RGS17: variants seen among roughly 807,000 people sequenced by gnomAD.
The protein encoded by RGS17 is regulator of G-protein signaling 17.
RGS17 carries 12 observed loss-of-function variants against 25.5 expected under a neutral mutation model. That is an observed-to-expected ratio of 0.47 (90% CI 0.30 to 0.76). The LOEUF (loss-of-function observed/expected upper bound fraction) is 0.76, where lower values mean the gene tolerates loss of function less well. Ranked by LOEUF, RGS17 falls within the 30% of genes least tolerant of loss-of-function variation. The pLI is 0.07. For missense variants in RGS17, 196 were observed against 242.2 expected (o/e 0.81, Z 1.27); for synonymous variants, 71 against 76.9 (o/e 0.92, Z 0.40).
chr6:153,127,455 C>T (rs551421820), intron 1 of RGS17, among the ~76,000 whole-genome samples: 1 of 152,262 alleles, frequency 6.6e-6, no homozygotes, highest in East Asian at 1.9e-4. Flanking sequence ...ATATACATTG[C>T]ATTGTATTTA....
chr6:153,055,185 T>C (rs902054703), intron 1 of RGS17, among the ~76,000 whole-genome samples: 2 of 152,146 alleles, frequency 1.3e-5, no homozygotes, highest in African/African-American at 4.8e-5. Context: ...CCCTATTTGC[T>C]TCTACTTCCT....
intron 1 of RGS17, among the ~76,000 whole-genome samples, chr6:153,119,074 G>T (rs534623239): frequency 2.0e-5 from 3 of 152,106 alleles, no homozygotes; most frequent in Non-Finnish European, 4.4e-5. Context: ...CATTCATGCA[G>T]ATATGCTCCA....
intron 1 of RGS17, among the ~76,000 whole-genome samples, chr6:153,123,220 T>C (rs1039889722): frequency 1.4e-4 from 21 of 152,084 alleles, no homozygotes; most frequent in African/African-American, 1.9e-4. Context: ...ACTAAACTCA[T>C]AGGTCACAGG....
intron 1 of RGS17, among the ~76,000 whole-genome samples, chr6:153,082,058 T>C (rs1167239057): frequency 6.6e-6 from 1 of 152,218 alleles, no homozygotes; most frequent in Admixed American, 6.5e-5. Flanking sequence ...GTCATTCCAT[T>C]ATCTTCTGGC....
intron 4 of RGS17, among the ~76,000 whole-genome samples, chr6:153,020,472 A>G (rs905976590): frequency 6.6e-6 from 1 of 152,086 alleles, no homozygotes; most frequent in East Asian, 1.9e-4. Flanking sequence ...ATTTTATAAC[A>G]CAATGCTCAA....
chr6:153,102,221 A>G lies in RGS17; in HGVS notation c.-26+28903T>C, dbSNP rs1777314871. Among the ~76,000 whole-genome samples the G allele has an allele frequency of 6.6e-5, 10 of 152,346 alleles. No homozygotes were observed. In the South Asian group the frequency reaches 1.9e-3, roughly 28 times the overall value. ...CAGCAAGGAGGACAGGAAATGGAAC[A>G]TGACAGAGACACACTTTGTCTCTAG... is the stretch of plus-strand genomic sequence containing the variant. On this transcript the variant is annotated intron_variant, in intron 1 of 4. Coordinates refer to ENST00000206262, the MANE Select transcript of RGS17 (RefSeq NM_012419.5).
At position 153,097,290 on chromosome 6, in the gene RGS17, ATTTTTTTTT is replaced by A. The variant is rs3083488; in HGVS notation, c.-26+33825_-26+33833del. 8.4e-4 allele frequency among the ~76,000 whole-genome samples: 74 copies of A among 88,296 alleles called. 1 individual carries two copies. The highest frequency in any genetic ancestry group is 3.1e-3 in the African/African-American group (67 of 21,766). 57.9% of individuals were successfully genotyped at this position (88,296 alleles called of 152,430 possible). ...GGGCTTAGACAATAGCGTTTTTTTG[ATTTTTTTTT>A]TTTTTTTTTTTTTTTTTTTGGGAGA... On this transcript the variant is annotated intron_variant, in intron 1 of 4. Coordinates refer to ENST00000206262, the MANE Select transcript of RGS17 (RefSeq NM_012419.5).
intron 1 of RGS17, among the ~76,000 whole-genome samples, chr6:153,089,581 A>C (rs1777098316): frequency 6.6e-6 from 1 of 152,100 alleles, no homozygotes; most frequent in African/African-American, 2.4e-5. Context: ...TGTGTTCAAA[A>C]AGTGTTATTC....
intron 1 of RGS17, among the ~76,000 whole-genome samples, chr6:153,065,154 C>A (rs1464448406): frequency 6.6e-6 from 1 of 152,098 alleles, no homozygotes; most frequent in African/African-American, 2.4e-5. Flanking sequence ...AGTAGCTACA[C>A]TTATATCAGT....
rs555333410 is a variant in RGS17 at position 153,119,501 on chromosome 6, C to A, written c.-26+11623G>T. On this transcript the variant is annotated intron_variant, in intron 1 of 4. Transcript: ENST00000206262. ...AGGTCGGAGTTTGAGACAAGCCTGA[C>A]CAACCTGGTGAAACCCTGTCTCTAC... is the stretch of plus-strand genomic sequence containing the variant. Among the ~76,000 whole-genome samples, 17 of 152,180 alleles carry A rather than the reference C, an allele frequency of 1.1e-4. 2 individuals carry two copies. The East Asian group carries it at 1.4e-3, about 12-fold the overall frequency.
chr6:153,110,223 G>A (rs950251422), intron 1 of RGS17, among the ~76,000 whole-genome samples: 2 of 152,048 alleles, frequency 1.3e-5, no homozygotes, highest in African/African-American at 2.4e-5. Context: ...TCTCCTCTCC[G>A]TAGTTCTTTT....
chr6:153,048,081 C>T (rs1482764899), intron 1 of RGS17, among the ~76,000 whole-genome samples: 1 of 152,290 alleles, frequency 6.6e-6, no homozygotes, highest in African/African-American at 2.4e-5. Context: ...TTTACATGCC[C>T]AGTGAAGATA....
intron 4 of RGS17, among the ~76,000 whole-genome samples, chr6:153,020,822 T>C (rs921841047): frequency 6.6e-6 from 1 of 152,162 alleles, no homozygotes; most frequent in Non-Finnish European, 1.5e-5. Context: ...CAAGATTGTC[T>C]AGCCCCAAAA....
chr6:153,065,153 A>C (rs1285065168), intron 1 of RGS17, among the ~76,000 whole-genome samples: 1 of 152,178 alleles, frequency 6.6e-6, no homozygotes, highest in African/African-American at 2.4e-5. Flanking sequence ...GAGTAGCTAC[A>C]CTTATATCAG....
intron 3 of RGS17, among the ~76,000 whole-genome samples, chr6:153,025,661 CATAT>C (rs150865414): frequency 1.4e-5 from 2 of 143,096 alleles, no homozygotes; most frequent in East Asian, 4.1e-4. Flanking sequence ...TATATAAAAA[CATAT>C]ATATATAAAC....
At chr6:153,057,681 T>G (rs1776579503) in intron 1 of RGS17, among the ~76,000 whole-genome samples, 1 of 152,208 alleles carries the variant, frequency 6.6e-6, no homozygotes, top group African/African-American at 2.4e-5. Context: ...TTGTAATATA[T>G]AATGAAATAA....
chr6:153,050,973 A>C (rs6910440), intron 1 of RGS17, among the ~76,000 whole-genome samples: 58,532 of 152,010 alleles, frequency 0.39, 11,960 homozygotes, highest in East Asian at 0.62. Context: ...TAGGAAGAGG[A>C]CAGAGAGTTG....
chr6:153,099,016 C>A, intron 1 of RGS17, among the ~76,000 whole-genome samples: 1 of 151,598 alleles, frequency 6.6e-6, no homozygotes, highest in South Asian at 2.1e-4. Context: ...CTTGTCCCCC[C>A]GTCCAAAAAA....
At chr6:153,058,541 A>ATGGT (rs2129114142) in intron 1 of RGS17, among the ~76,000 whole-genome samples, 1 of 152,302 alleles carries the variant, frequency 6.6e-6, no homozygotes, top group South Asian at 2.1e-4. Flanking sequence ...CTGTCTTGTC[A>ATGGT]TGGTTGTTGA....
Sources: gnomAD v4.1 joint callset for allele counts (sites outside exome capture counted in the v4.1 genomes callset) on GRCh38, gnomAD v4.1.1 for gene constraint, MANE v1.5 for transcripts, NCBI Gene and HGNC (gene_info 2026-07-23, HGNC 2026-07-21) for gene names.